CCDC40: variants seen among roughly 807,000 people sequenced by gnomAD.
CCDC40 encodes the protein coiled-coil domain 40 molecular ruler complex subunit, also known as coiled-coil domain-containing protein 40.
A neutral mutation model predicts 124.5 loss-of-function variants in CCDC40; 104 were observed. The observed-to-expected ratio is 0.84, with a 90% confidence interval of 0.71 to 0.98. The LOEUF (loss-of-function observed/expected upper bound fraction) is 0.98. Ranked by LOEUF, CCDC40 falls within the 50% of genes least tolerant of loss-of-function variation. CCDC40 has a pLI of 0.00. For missense variants in CCDC40, 1,463 were observed against 1,503.9 expected, an observed-to-expected ratio of 0.97 and a Z score of 0.45; for synonymous variants, 580 against 602.9, an observed-to-expected ratio of 0.96 and a Z score of 0.56.
intron 7 of CCDC40, among the ~76,000 whole-genome samples, chr17:80,051,772 C>G (rs544245449): frequency 3.9e-4 from 59 of 152,294 alleles, no homozygotes; most frequent in African/African-American, 1.4e-3. Flanking sequence ...AAATTTACAC[C>G]CACCTGAAGG....
intron 5 of CCDC40, 105 bp from the exon 6 acceptor site, chr17:80,049,801 G>A (rs561347433): frequency 1.8e-5 from 16 of 899,390 alleles, no homozygotes; most frequent in East Asian, 1.7e-4. Context: ...CACGGAAGTC[G>A]TCTCTGGCCC....
chr17:80,079,248 T>A (rs2038389418), intron 10 of CCDC40, among the ~76,000 whole-genome samples: 2 of 152,152 alleles, frequency 1.3e-5, no homozygotes, highest in Non-Finnish European at 1.5e-5. Context: ...CCTTCCATAT[T>A]TTTCTCACAT....
rs372080518 is a variant in CCDC40 at position 80,079,298 on chromosome 17, T to C, written c.1563-2248T>C. On this transcript the variant is annotated intron_variant, in intron 10 of 19. Coordinates refer to ENST00000397545, the MANE Select transcript of CCDC40 (RefSeq NM_017950.4). ...TCAATTCTCTTTCCCAAGCAACCTG[T>C]TACTGTTTCATAAAGGTCTTTCCAG... 5.1e-3 allele frequency among the ~76,000 whole-genome samples: 774 copies of C among 152,298 alleles called. 8 individuals are homozygous for C. In the South Asian group the frequency reaches 0.053, roughly 10 times the overall value.
chr17:80,073,338 C>T (rs12937566), intron 10 of CCDC40, among the ~76,000 whole-genome samples: 16,608 of 152,148 alleles, frequency 0.11, 1,164 homozygotes, highest in East Asian at 0.23. Flanking sequence ...GCAAGTCCAC[C>T]GGCACCATCT....
intron 10 of CCDC40, among the ~76,000 whole-genome samples, chr17:80,071,498 A>G (rs565002828): frequency 8.5e-5 from 13 of 152,296 alleles, no homozygotes; most frequent in African/African-American, 2.4e-4. Flanking sequence ...CACGGTGCCC[A>G]ATGCCTGGGC....
chr17:80,088,011 G>T lies in CCDC40; in HGVS notation c.2620G>T (p.Ala874Ser). The T allele has an allele frequency of 6.2e-7, 1 of 1,611,816 alleles. No homozygotes were observed. Among genetic ancestry groups the T allele is most frequent in the Non-Finnish European group, 8.5e-7 (1 of 1,177,976 alleles). ...TENEFVRSLK[A>S]SERETIKMQD... ...CTGTCCCGCCCCCTCCCCCATGCAG[G>T]CCTCTGAGAGGGAGACCATCAAGAT... Residue 874 changes from alanine to serine, a missense_variant and splice_region_variant, in exon 16 of 20, where the codon GCC (alanine) becomes TCC (serine). Ala to Ser is a moderately conservative substitution (Grantham distance 99, BLOSUM62 1). Transcript: ENST00000397545.
chr17:80,038,233 A>G, intron 2 of CCDC40, 47 bp downstream of exon 2: 1 of 1,290,982 alleles, frequency 7.7e-7, no homozygotes, highest in Non-Finnish European at 1.1e-6. Context: ...TTTACTAGGA[A>G]TTAAAGAGAA....
chr17:80,044,699 AAAC>A (rs1196246853), intron 3 of CCDC40, among the ~76,000 whole-genome samples: 1,128 of 35,386 alleles, frequency 0.032, 45 homozygotes, highest in African/African-American at 0.098. Context: ...AAAACAAAAC[AAAC>A]AAACAAAAAA....
intron 17 of CCDC40, among the ~76,000 whole-genome samples, chr17:80,094,907 C>T (rs1420624785): frequency 6.6e-6 from 1 of 152,106 alleles, no homozygotes; most frequent in African/African-American, 2.4e-5. Flanking sequence ...AACCTTCATG[C>T]AATACTGCTA....
chr17:80,068,013 T>C, intron 10 of CCDC40: 1 of 1,041,824 alleles, frequency 9.6e-7, no homozygotes, highest in Non-Finnish European at 1.2e-6. Flanking sequence ...CGGGGAGGAG[T>C]GAGGCCCAAC....
At position 80,040,008 on chromosome 17, in the gene CCDC40, A is replaced by G. The variant is rs761769193; in HGVS notation, c.290A>G (p.Tyr97Cys). The G allele has an allele frequency of 3.3e-5, 53 of 1,614,102 alleles. No homozygotes were observed. Among genetic ancestry groups the G allele is most frequent in the Non-Finnish European group, 4.2e-5 (50 of 1,180,028 alleles). The change falls in exon 3 of 20, where the codon TAT becomes TGT. Residue 97 changes from tyrosine to cysteine, a missense_variant. Transcript: ENST00000397545. ...GDAESEEEYY[Y>C]TETSSPEGQI... ...GCTGAAAGCGAAGAGGAATATTACT[A>G]TACAGAAACTTCATCCCCGGAAGGG...
intron 18 of CCDC40, among the ~76,000 whole-genome samples, chr17:80,096,384 A>C (rs1010851154): frequency 1.3e-5 from 2 of 152,026 alleles, no homozygotes; most frequent in Non-Finnish European, 2.9e-5. Flanking sequence ...AATGGCAGAC[A>C]TGCATGGGCT....
chr17:80,058,478 C>T lies in CCDC40; in HGVS notation c.1160-16C>T, dbSNP rs1453079599. On this transcript the variant is annotated splice_polypyrimidine_tract_variant and intron_variant, in intron 7 of 19. Coordinates refer to ENST00000397545, the MANE Select transcript of CCDC40 (RefSeq NM_017950.4). This position sits in a 1 kb window ranked among gnomAD's most constrained non-coding sequence, Gnocchi z 4.2. ...CACTCACTCTCTCTCTCTTTCTCCC[C>T]CGCCGCGCCCCGCAGTGGCGGCTCT... 2 of 1,612,772 alleles carry T rather than the reference C, an allele frequency of 1.2e-6. No homozygotes were observed. Among genetic ancestry groups the T allele is most frequent in the East Asian group, 2.2e-5 (1 of 44,874 alleles).
At chr17:80,092,821 G>T (rs2038745976) in intron 17 of CCDC40, among the ~76,000 whole-genome samples, 1 of 152,166 alleles carries the variant, frequency 6.6e-6, no homozygotes, top group South Asian at 2.1e-4. Flanking sequence ...TATCTGAGGA[G>T]CCTCTGCCTA....
intron 10 of CCDC40, chr17:80,065,946 C>T (rs2143681842): frequency 3.2e-6 from 2 of 617,214 alleles, no homozygotes; most frequent in South Asian, 1.9e-5. Context: ...AGTGCGGAAA[C>T]CCCATCCCTT....
Position 80,099,837 on chromosome 17 carries a change from T to C in CCDC40, c.*62T>C. On this transcript the variant is annotated 3_prime_UTR_variant, in exon 20 of 20. Coordinates refer to ENST00000397545, the MANE Select transcript of CCDC40 (RefSeq NM_017950.4). Reference sequence around the variant, plus strand: ...AAGAGATCCGGAATTGTGTTTGTCATGAGGGACTTGGAATCTTTTGTGTTC... The same window carrying C: ...AAGAGATCCGGAATTGTGTTTGTCACGAGGGACTTGGAATCTTTTGTGTTC... 1 of 1,582,242 alleles carries C rather than the reference T, an allele frequency of 6.3e-7. No individual in the cohort carries two copies.
In CCDC40 at chr17:80,088,061, C is replaced by T. The variant is rs371516381; in HGVS notation, c.2670C>T (p.Ser890=). 19 of 1,613,700 alleles carry T rather than the reference C, an allele frequency of 1.2e-5. No individual in the cohort carries two copies. In the Admixed American group the frequency reaches 1.5e-4, roughly 13 times the overall value. The change falls in exon 16 of 20, where the codon AGC becomes AGT. Residue 890 remains serine (S), a synonymous_variant. Transcript: ENST00000397545. The part of the protein sequence containing the change: ...IKMQDKLNQL[S]EEKATLLNQL... ...TGCAGGACAAGCTGAACCAGCTCAG[C>T]GAGGAGAAGGCGACCCTCCTGAATC...
In CCDC40 at chr17:80,086,035, C is replaced by T. The variant is rs1277374938; in HGVS notation, c.2268C>T (p.Ile756=). 1 of 1,614,010 alleles carries T rather than the reference C, an allele frequency of 6.2e-7. No individual in the cohort carries two copies. The highest frequency in any genetic ancestry group is 2.2e-5 in the East Asian group (1 of 44,854). The part of the protein sequence containing the change: ...GEEVGPLELE[I]KRLSKLIDEH... ...AAGTGGGGCCCCTGGAGCTTGAAAT[C>T]AAAAGGCTGAGCAAGCTGATCGACG... Residue 756 remains isoleucine (I), a synonymous_variant, in exon 14 of 20, where the codon ATC becomes ATT. Coordinates refer to ENST00000397545, the MANE Select transcript of CCDC40 (RefSeq NM_017950.4). This position sits in a 1 kb window ranked among gnomAD's most constrained non-coding sequence, Gnocchi z 5.5.
intron 13 of CCDC40, among the ~76,000 whole-genome samples, chr17:80,085,382 T>C (rs187580789): frequency 1.0e-3 from 156 of 152,370 alleles, no homozygotes; most frequent in Non-Finnish European, 1.8e-3. Flanking sequence ...AGTGGCCTAA[T>C]GCGTTTGAGG....
Sources: gnomAD v4.1 joint callset for allele counts (sites outside exome capture counted in the v4.1 genomes callset) on GRCh38, gnomAD v4.1.1 for gene constraint, Gnocchi (gnomAD v3.1) non-coding constraint, MANE v1.5 for transcripts, NCBI Gene and HGNC (gene_info 2026-07-23, HGNC 2026-07-21) for gene names.